PINX1: variants seen among roughly 807,000 people sequenced by gnomAD.
PINX1 encodes PIN2 (TERF1) interacting telomerase inhibitor 1.
A neutral mutation model predicts 25.4 loss-of-function variants in PINX1; 34 were observed. The ratio of observed to expected loss-of-function variants is 1.34; its 90% confidence interval spans 1.02 to 1.78. The LOEUF is 1.78. Among genes scored for constraint, PINX1 ranks in the 40% most tolerant of loss-of-function variants. PINX1 has a pLI of 0.00. For missense variants in PINX1, 592 were observed against 404.9 expected, an observed-to-expected ratio of 1.46 and a Z score of -3.97; for synonymous variants, 197 against 147.7, an observed-to-expected ratio of 1.33 and a Z score of -2.42.
intron 6 of PINX1, among the ~76,000 whole-genome samples, chr8:10,784,968 G>A (rs544626267): frequency 6.6e-6 from 1 of 152,276 alleles, no homozygotes; most frequent in Non-Finnish European, 1.5e-5. Context: ...AGAGGCTCAG[G>A]TGGCTTCAGA....
At chr8:10,786,173 C>G (rs1801741694) in intron 6 of PINX1, among the ~76,000 whole-genome samples, 2 of 152,170 alleles carry the variant, frequency 1.3e-5, no homozygotes, top group Non-Finnish European at 2.9e-5. Flanking sequence ...ATCATTTGTT[C>G]ACTTCCTTGC....
intron 1 of PINX1, among the ~76,000 whole-genome samples, chr8:10,838,850 C>G (rs61615360): frequency 9.1e-4 from 138 of 152,258 alleles, no homozygotes; most frequent in African/African-American, 3.2e-3. Context: ...AATTTCTGCC[C>G]CTGTAAAATC....
chr8:10,807,179 C>A (rs980639038), intron 6 of PINX1, among the ~76,000 whole-genome samples: 2 of 152,044 alleles, frequency 1.3e-5, no homozygotes, highest in African/African-American at 4.8e-5. Context: ...AAGGAACATA[C>A]GGTTGTATCC....
Position 10,839,763 on chromosome 8 carries a change from G to C in PINX1, c.-7C>G. On this transcript the variant is annotated 5_prime_UTR_variant, in exon 1 of 7. Coordinates refer to ENST00000314787, the MANE Select transcript of PINX1 (RefSeq NM_017884.6). ...GTTCAGCCAGCATAGACATGTCGGA[G>C]AGCCTGTGATACCGCCGCCTCTGGA... 6.2e-7 allele frequency: 1 copy of C among 1,603,830 alleles called. No individual in the cohort carries two copies.
intron 6 of PINX1, among the ~76,000 whole-genome samples, chr8:10,795,401 G>T (rs555444323): frequency 6.6e-6 from 1 of 152,170 alleles, no homozygotes. Flanking sequence ...AAAATTAAAA[G>T]TCTCTCTCCC....
At chr8:10,838,741 G>T (rs1302310191) in intron 1 of PINX1, among the ~76,000 whole-genome samples, 1 of 152,174 alleles carries the variant, frequency 6.6e-6, no homozygotes, top group Non-Finnish European at 1.5e-5. Flanking sequence ...GGTCTCCGCT[G>T]GTCTTACTGG....
intron 4 of PINX1, among the ~76,000 whole-genome samples, chr8:10,828,768 G>C (rs1420597880): frequency 6.6e-6 from 1 of 152,050 alleles, no homozygotes; most frequent in Admixed American, 6.5e-5. Flanking sequence ...GTCCTTTCCC[G>C]GGTATCCCCT....
At chr8:10,801,205 G>C (rs764552057) in intron 6 of PINX1, among the ~76,000 whole-genome samples, 1 of 152,178 alleles carries the variant, frequency 6.6e-6, no homozygotes, top group Non-Finnish European at 1.5e-5. Flanking sequence ...GGGAAGGAAG[G>C]GGGAAGTGAA....
chr8:10,803,698 T>C (rs1163629020), intron 6 of PINX1, among the ~76,000 whole-genome samples: 2 of 152,250 alleles, frequency 1.3e-5, no homozygotes, highest in South Asian at 2.1e-4. Context: ...TACTGCATTA[T>C]GTCAGGAGCA....
At chr8:10,816,088 AT>A (rs1313332747) in intron 6 of PINX1, among the ~76,000 whole-genome samples, 1 of 152,104 alleles carries the variant, frequency 6.6e-6, no homozygotes, top group Non-Finnish European at 1.5e-5. Context: ...TGCAACTATG[AT>A]TGGGGTTAGC....
intron 6 of PINX1, among the ~76,000 whole-genome samples, chr8:10,775,174 G>A (rs6993841): frequency 0.59 from 89,975 of 152,028 alleles, 27,078 homozygotes; most frequent in Middle Eastern, 0.66. Context: ...TACACAAGCT[G>A]TAAGTTTTTA....
chr8:10,776,005 CTCTATGGAA>C lies in PINX1; in HGVS notation c.472-10098_472-10090del, dbSNP rs1801381128. On this transcript the variant is annotated intron_variant, in intron 6 of 6. Transcript: ENST00000314787. Reference sequence around the variant, plus strand: ...GTAAAAGCCCCTGGGGATGCTAGAACTCTATGGAATCCACTTTGAAAATCAACAGCTACA... The same window carrying C: ...GTAAAAGCCCCTGGGGATGCTAGAACTCCACTTTGAAAATCAACAGCTACA... Among the ~76,000 whole-genome samples, 11 of 152,294 alleles carry C rather than the reference CTCTATGGAA, an allele frequency of 7.2e-5. No homozygotes were observed. The South Asian group carries it at 2.3e-3, about 32-fold the overall frequency.
rs563513269 is a variant in PINX1, at chr8:10,765,521, G to A, written c.867C>T (p.Phe289=). The change falls in exon 7 of 7, where the codon TTC becomes TTT. Residue 289 remains phenylalanine (F), a synonymous_variant. Coordinates refer to ENST00000314787, the MANE Select transcript of PINX1 (RefSeq NM_017884.6). ...CTCTCCTCTTTTTGGGCTTCAGGGT[G>A]AAGTCCCGGCCCTCAGGCGGCTGCA... is the stretch of plus-strand genomic sequence containing the variant. ...DHVQPPEGRD[F]TLKPKKRRGK... is the part of the protein sequence containing the mutation. 6.2e-7 allele frequency: 1 copy of A among 1,613,730 alleles called. No homozygotes were observed. The highest frequency in any genetic ancestry group is 8.5e-7 in the Non-Finnish European group (1 of 1,179,898).
intron 5 of PINX1, 98 bp from the exon 6 acceptor site, chr8:10,820,367 G>A: frequency 2.5e-6 from 2 of 815,716 alleles, no homozygotes; most frequent in Non-Finnish European, 4.2e-6. Flanking sequence ...AATGGCTTTT[G>A]GGAAAGAAAG....
chr8:10,839,791 T>G lies in PINX1; in HGVS notation c.-35A>C. On this transcript the variant is annotated 5_prime_UTR_variant, in exon 1 of 7. Coordinates refer to ENST00000314787, the MANE Select transcript of PINX1 (RefSeq NM_017884.6). Reference sequence around the variant, plus strand: ...CCTGTGATACCGCCGCCTCTGGACCTGGGTGACTGCGGCCACTGGGCGGGC... The same window carrying G: ...CCTGTGATACCGCCGCCTCTGGACCGGGGTGACTGCGGCCACTGGGCGGGC... The G allele has an allele frequency of 6.3e-7, 1 of 1,593,744 alleles. No homozygotes were observed.
At chr8:10,798,462 C>T (rs1404747755) in intron 6 of PINX1, among the ~76,000 whole-genome samples, 2 of 152,322 alleles carry the variant, frequency 1.3e-5, no homozygotes, top group South Asian at 2.1e-4. Flanking sequence ...TGAAGTTACA[C>T]TTCCACTTGA....
intron 6 of PINX1, among the ~76,000 whole-genome samples, chr8:10,774,754 G>A (rs975985472): frequency 1.3e-5 from 2 of 152,070 alleles, no homozygotes; most frequent in Non-Finnish European, 2.9e-5. Flanking sequence ...ACTACATAAG[G>A]CTAATATTTT....
At chr8:10,778,812 C>G (rs140113463) in intron 6 of PINX1, among the ~76,000 whole-genome samples, 1 of 152,308 alleles carries the variant, frequency 6.6e-6, no homozygotes, top group East Asian at 1.9e-4. Context: ...GAGTAGTTCT[C>G]TTGTTAAATC....
chr8:10,817,104 C>T (rs771781463), intron 6 of PINX1, among the ~76,000 whole-genome samples: 4 of 152,146 alleles, frequency 2.6e-5, no homozygotes, highest in Non-Finnish European at 4.4e-5. Context: ...ACATGGTTAA[C>T]GCCAACGTTC....
Sources: gnomAD v4.1 joint callset for allele counts (sites outside exome capture counted in the v4.1 genomes callset) on GRCh38, gnomAD v4.1.1 for gene constraint, MANE v1.5 for transcripts, NCBI Gene and HGNC (gene_info 2026-07-23, HGNC 2026-07-21) for gene names.